Variants in SCYL2 observed in about 807,000 individuals in gnomAD.
The protein encoded by SCYL2 is SCY1 like pseudokinase 2.
Under a neutral mutation model 100.4 loss-of-function variants are expected in SCYL2, and 36 were observed. The observed-to-expected ratio is 0.36, with a 90% CI of 0.27 to 0.47. SCYL2 has a LOEUF of 0.47. Among genes scored for constraint, SCYL2 ranks in the 20% least tolerant of loss-of-function variants. SCYL2 has a pLI of 1.00. For missense variants in SCYL2, 902 were observed against 1,083.9 expected, an observed-to-expected ratio of 0.83 and a Z score of 2.36; for synonymous variants, 330 against 359.2, an observed-to-expected ratio of 0.92 and a Z score of 0.92.
At chr12:100,290,631 A>G (rs1185978480) in intron 2 of SCYL2, among the ~76,000 whole-genome samples, 1 of 152,240 alleles carries the variant, frequency 6.6e-6, no homozygotes, top group African/African-American at 2.4e-5. Flanking sequence ...TTGATAGTTG[A>G]GTAGCAGTAG....
intron 4 of SCYL2, among the ~76,000 whole-genome samples, chr12:100,308,484 T>G (rs1470267198): frequency 6.6e-6 from 1 of 152,002 alleles, no homozygotes; most frequent in Non-Finnish European, 1.5e-5. Context: ...CTGGGGCCTG[T>G]CCGGGGGTGG....
In SCYL2 at chr12:100,298,741, G is replaced by A. The variant is rs543988294; in HGVS notation, c.480+566G>A. On this transcript the variant is annotated intron_variant, in intron 4 of 17. Coordinates refer to ENST00000360820, the MANE Select transcript of SCYL2 (RefSeq NM_017988.6). ...TGGGATTACAGGCGTGCACCACCAC[G>A]CCTAGCTAATTTTTGTATTATTGAT... Among the ~76,000 whole-genome samples the A allele has an allele frequency of 1.9e-4, 29 of 152,116 alleles. No homozygotes were observed. In the Middle Eastern group the frequency reaches 0.01, roughly 54 times the overall value.
intron 4 of SCYL2, among the ~76,000 whole-genome samples, chr12:100,304,735 G>A (rs2096332051): frequency 6.6e-6 from 1 of 152,098 alleles, no homozygotes; most frequent in African/African-American, 2.4e-5. Context: ...AGACCCATCA[G>A]TGTGCTGTAT....
chr12:100,330,865 G>C (rs1214012276), intron 13 of SCYL2, among the ~76,000 whole-genome samples: 2 of 137,652 alleles, frequency 1.5e-5, no homozygotes, highest in Non-Finnish European at 3.0e-5. Context: ...GTCTCGCCCT[G>C]TCACTCAGAC....
chr12:100,315,670 A>G lies in SCYL2; in HGVS notation c.1208A>G (p.Glu403Gly). The stretch of plus-strand genomic sequence containing the variant: ...CTTATTGCTGAGGAATGCACCAAAG[A>G]AGAATATGTCAAATTAATTCTTCCT... ...VLLIAEECTK[E>G]EYVKLILPEL... Residue 403 changes from glutamate to glycine, a missense_variant, in exon 9 of 18, where the codon GAA becomes GGA. By Grantham distance (98) the Glu-to-Gly change is moderately conservative. Transcript: ENST00000360820. The G allele has an allele frequency of 6.2e-7, 1 of 1,612,584 alleles. No homozygotes were observed. The highest frequency in any genetic ancestry group is 1.1e-5 in the South Asian group (1 of 90,778).
chr12:100,325,746 C>T (rs952197620), intron 11 of SCYL2, among the ~76,000 whole-genome samples: 3 of 151,822 alleles, frequency 2.0e-5, no homozygotes, highest in Admixed American at 1.3e-4. Flanking sequence ...CTCGGTTTTG[C>T]TTAAAATATA....
chr12:100,313,197 C>T (rs1407670974), intron 6 of SCYL2, among the ~76,000 whole-genome samples: 1 of 151,986 alleles, frequency 6.6e-6, no homozygotes, highest in African/African-American at 2.4e-5. Flanking sequence ...TTAGTCATGG[C>T]ATTTGAGTAA....
rs368302777 is a variant in SCYL2 at position 100,337,422 on chromosome 12, A to G, written c.2061A>G (p.Ala687=). 6.2e-6 allele frequency: 10 copies of G among 1,601,778 alleles called. No individual in the cohort carries two copies. In the African/African-American group the frequency reaches 1.4e-4, roughly 22 times the overall value. ...CACTTGAAGAAAAACAAAAATTAGC[A>G]AAAGAACAAGAGCAGGCACAGAAGC... ...SLTLEEKQKL[A]KEQEQAQKLK... is the part of the protein sequence containing the mutation. The change falls in exon 17 of 18, where the codon GCA becomes GCG. Residue 687 remains alanine (A), a synonymous_variant. Coordinates refer to ENST00000360820, the MANE Select transcript of SCYL2 (RefSeq NM_017988.6).
chr12:100,283,209 G>T lies in SCYL2; in HGVS notation c.177+62G>T, dbSNP rs75218007. 11,327 of 1,399,554 alleles carry T rather than the reference G, an allele frequency of 8.1e-3. 800 individuals carry two copies. In the African/African-American group the frequency reaches 0.14, roughly 18 times the overall value. 86.7% of individuals were successfully genotyped at this position (1,399,554 alleles called of 1,614,324 possible). ...ACATGCTAAGAACCATAAAATGCATGTGTGCATTTTTATGTTAAGAAATGC... is the reference window on the plus strand; with the variant it reads ...ACATGCTAAGAACCATAAAATGCATTTGTGCATTTTTATGTTAAGAAATGC... On this transcript the variant is annotated intron_variant, in intron 2 of 17. Coordinates refer to ENST00000360820, the MANE Select transcript of SCYL2 (RefSeq NM_017988.6).
chr12:100,278,710 A>G (rs1053663455), intron 1 of SCYL2, among the ~76,000 whole-genome samples: 19 of 148,706 alleles, frequency 1.3e-4, no homozygotes, highest in Admixed American at 1.1e-3. Context: ...GCTTACTGCA[A>G]CCTTCACCTC....
intron 8 of SCYL2, 32 bp from the exon 9 acceptor site, chr12:100,315,526 T>G: frequency 7.0e-7 from 1 of 1,435,368 alleles, no homozygotes; most frequent in South Asian, 1.4e-5. Flanking sequence ...ATAAATTTTA[T>G]TTTTTTTTTA....
chr12:100,313,926 G>GC (rs1311584568), intron 7 of SCYL2, among the ~76,000 whole-genome samples: 1 of 149,394 alleles, frequency 6.7e-6, no homozygotes, highest in African/African-American at 2.5e-5. Flanking sequence ...TGTCACCCAG[G>GC]CTGGAGTGTA....
rs1290498865 is a variant in SCYL2 at position 100,312,560 on chromosome 12, A to G, written c.759A>G (p.Gly253=). 1.2e-6 allele frequency: 2 copies of G among 1,612,790 alleles called. No homozygotes were observed. Among genetic ancestry groups the G allele is most frequent in the Admixed American group, 3.3e-5 (2 of 60,000 alleles). The stretch of plus-strand genomic sequence containing the variant: ...CAGCCAGTGATATGTATTCTTTAGG[A>G]ACTGTTATGTATGCTGTATTTAATA... ...CETASDMYSL[G]TVMYAVFNKG... is the part of the protein sequence containing the mutation. Residue 253 remains glycine, a synonymous_variant, in exon 6 of 18, where the codon GGA becomes GGG. Transcript: ENST00000360820.
intron 3 of SCYL2, chr12:100,291,871 A>G: frequency 2.0e-6 from 1 of 493,898 alleles, no homozygotes; most frequent in South Asian, 3.1e-5. Context: ...TACTTTTGCC[A>G]TGATTCTGTA....
intron 1 of SCYL2, among the ~76,000 whole-genome samples, chr12:100,270,734 C>T (rs942370854): frequency 6.6e-6 from 1 of 151,790 alleles, no homozygotes; most frequent in Non-Finnish European, 1.5e-5. Context: ...CTTGGCCTCC[C>T]AAAGTGCTAG....
intron 10 of SCYL2, among the ~76,000 whole-genome samples, chr12:100,318,496 A>G (rs1272517453): frequency 2.6e-5 from 4 of 151,888 alleles, no homozygotes; most frequent in Non-Finnish European, 5.9e-5. Flanking sequence ...ACACCCGGCT[A>G]ATTTTTGGTA....
At chr12:100,270,713 G>A (rs545897657) in intron 1 of SCYL2, among the ~76,000 whole-genome samples, 1 of 150,668 alleles carries the variant, frequency 6.6e-6, no homozygotes, top group East Asian at 1.9e-4. Flanking sequence ...GAGCTCAAGT[G>A]ATCCTCCTGC....
At position 100,339,245 on chromosome 12, in the gene SCYL2, T is replaced by C. The variant is rs1952323295; in HGVS notation, c.*73T>C. The C allele has an allele frequency of 4.1e-6, 6 of 1,461,634 alleles. No homozygotes were observed. The highest frequency in any genetic ancestry group is 5.6e-6 in the Non-Finnish European group (6 of 1,080,486). 90.5% of individuals were successfully genotyped at this position (1,461,634 alleles called of 1,614,324 possible). A position where few individuals can be genotyped will look rare whatever the true frequency, so the allele number is the denominator to read the frequency against. ...TGAGCTGATTTACATCTTTATATAG[T>C]TGGCTTGGAGGAAGTACTTCTATGG... On this transcript the variant is annotated 3_prime_UTR_variant, in exon 18 of 18. Transcript: ENST00000360820.
In SCYL2 at chr12:100,271,471, AATG is replaced by A. The variant is rs1435630537; in HGVS notation, c.-29+3685_-29+3687del. 5.3e-5 allele frequency among the ~76,000 whole-genome samples: 8 copies of A among 152,268 alleles called. No homozygotes were observed. The East Asian group carries it at 9.6e-4, about 18-fold the overall frequency. The stretch of plus-strand genomic sequence containing the variant: ...TACAAAAATTCATTGAATAACTATA[AATG>A]ATGATATAAATGGTATTCTCTTATT... On this transcript the variant is annotated intron_variant, in intron 1 of 17. Coordinates refer to ENST00000360820, the MANE Select transcript of SCYL2 (RefSeq NM_017988.6).
Sources: allele counts gnomAD v4.1 joint callset (sites outside exome capture counted in the v4.1 genomes callset), GRCh38; gene constraint gnomAD v4.1.1; transcripts MANE v1.5; gene names NCBI Gene and HGNC (gene_info 2026-07-23, HGNC 2026-07-21).